RBM20: variants seen among roughly 807,000 people sequenced by gnomAD.
RBM20 encodes RNA binding motif protein 20.
Under a neutral mutation model 110.1 loss-of-function variants are expected in RBM20, and 51 were observed. The ratio of observed to expected loss-of-function variants is 0.46; its 90% CI spans 0.37 to 0.59. The LOEUF is 0.59. Ranked by LOEUF, RBM20 falls within the 20% of genes least tolerant of loss-of-function variation. RBM20 has a pLI of 0.00. For missense variants in RBM20, 1,512 were observed against 1,574.9 expected (o/e 0.96, Z 0.68); for synonymous variants, 589 against 618.2 (o/e 0.95, Z 0.70).
chr10:110,831,915 C>T (rs953765492), intron 13 of RBM20, among the ~76,000 whole-genome samples: 1 of 152,092 alleles, frequency 6.6e-6, no homozygotes, highest in Non-Finnish European at 1.5e-5. Flanking sequence ...ATACTCTATA[C>T]ACCGTATTTC....
At chr10:110,750,068 G>C (rs1223445318) in intron 1 of RBM20, among the ~76,000 whole-genome samples, 1 of 152,210 alleles carries the variant, frequency 6.6e-6, no homozygotes, top group Non-Finnish European at 1.5e-5. Context: ...CATAGGTGTT[G>C]CCTCTGGACA....
chr10:110,711,286 T>C (rs368786057), intron 1 of RBM20, among the ~76,000 whole-genome samples: 1 of 128,240 alleles, frequency 7.8e-6, no homozygotes, highest in South Asian at 2.7e-4. Flanking sequence ...GCTGAGACTG[T>C]GCCACTTCAC....
chr10:110,802,315 A>G (rs1844637940), intron 7 of RBM20, among the ~76,000 whole-genome samples: 1 of 151,202 alleles, frequency 6.6e-6, no homozygotes, highest in South Asian at 2.1e-4. Context: ...AGAGTCCTGA[A>G]TCTGCTTTGC....
At chr10:110,726,347 C>A (rs1843560265) in intron 1 of RBM20, among the ~76,000 whole-genome samples, 1 of 152,204 alleles carries the variant, frequency 6.6e-6, no homozygotes, top group Non-Finnish European at 1.5e-5. Context: ...TCTAAGGTCT[C>A]CCCTATCCTC....
In RBM20 at chr10:110,838,571, A is replaced by G. The variant is rs1845162865; in HGVS notation, c.*2593A>G. ...TCAGAGGTTAGAACTGTACATTATC[A>G]GAGAGACTGGACACTTTATCCCCTA... is the stretch of plus-strand genomic sequence containing the variant. On this transcript the variant is annotated 3_prime_UTR_variant, in exon 14 of 14. Transcript: ENST00000369519. 2 of 152,362 alleles carry G rather than the reference A, an allele frequency of 1.3e-5. No individual in the cohort carries two copies. Among genetic ancestry groups the G allele is most frequent in the South Asian group, 4.1e-4 (2 of 4,828 alleles). 9.4% of individuals were successfully genotyped at this position (152,362 alleles called of 1,614,324 possible).
chr10:110,730,970 T>C (rs1323933648), intron 1 of RBM20, among the ~76,000 whole-genome samples: 1 of 152,202 alleles, frequency 6.6e-6, no homozygotes, highest in Non-Finnish European at 1.5e-5. Flanking sequence ...ACTGGCCCCA[T>C]TAGAAACCAG....
chr10:110,769,724 A>T (rs1297695433), intron 1 of RBM20, among the ~76,000 whole-genome samples: 6 of 146,662 alleles, frequency 4.1e-5, no homozygotes, highest in Admixed American at 1.4e-4. Flanking sequence ...CTCACTATAG[A>T]TTTTTTTTTT....
chr10:110,826,717 G>T (rs1453289101), intron 12 of RBM20, among the ~76,000 whole-genome samples: 1 of 151,850 alleles, frequency 6.6e-6, no homozygotes, highest in African/African-American at 2.4e-5. Context: ...GGAGTAGCTG[G>T]GATTACAGGC....
intron 12 of RBM20, among the ~76,000 whole-genome samples, chr10:110,826,879 C>T (rs1447720698): frequency 6.6e-6 from 1 of 152,162 alleles, no homozygotes; most frequent in Admixed American, 6.5e-5. Context: ...AGGTGTGAGC[C>T]ACCGTGCCCG....
At chr10:110,802,874 G>A (rs1844647370) in intron 7 of RBM20, among the ~76,000 whole-genome samples, 1 of 152,148 alleles carries the variant, frequency 6.6e-6, no homozygotes, top group South Asian at 2.1e-4. Flanking sequence ...TGTCAGCCTG[G>A]GCTCTACCGC....
chr10:110,748,614 G>T (rs1843814128), intron 1 of RBM20, among the ~76,000 whole-genome samples: 2 of 151,954 alleles, frequency 1.3e-5, no homozygotes, highest in Non-Finnish European at 2.9e-5. Flanking sequence ...TGAAAAACTG[G>T]GTTCTCGTAA....
intron 1 of RBM20, among the ~76,000 whole-genome samples, chr10:110,767,030 G>A (rs1455938512): frequency 1.4e-5 from 2 of 140,150 alleles, no homozygotes; most frequent in African/African-American, 2.7e-5. Flanking sequence ...AGGGGCGGCC[G>A]GGCAGAGGCG....
rs1461555462 is a variant in RBM20, at chr10:110,812,711, C to T, written c.2314C>T (p.Leu772=). The change falls in exon 9 of 14, where the codon CTG becomes TTG. Residue 772 remains leucine, a synonymous_variant. Coordinates refer to ENST00000369519, the MANE Select transcript of RBM20 (RefSeq NM_001134363.3). The part of the protein sequence containing the change: ...KEPKAKSDKY[L]KQQQDAPGRS... ...GCCCAAAGCCAAGTCGGACAAGTAT[C>T]TGAAGCAGCAGCAGGATGCCCCCGG... is the stretch of plus-strand genomic sequence containing the variant. 2 of 1,551,746 alleles carry T rather than the reference C, an allele frequency of 1.3e-6. No homozygotes were observed. The highest frequency in any genetic ancestry group is 2.0e-5 in the Admixed American group (1 of 51,010).
intron 1 of RBM20, among the ~76,000 whole-genome samples, chr10:110,687,741 C>T (rs1288516372): frequency 1.3e-5 from 2 of 152,200 alleles, no homozygotes; most frequent in Non-Finnish European, 1.5e-5. Context: ...GATGTGACTA[C>T]ATATCTCGAA....
intron 7 of RBM20, among the ~76,000 whole-genome samples, chr10:110,801,506 C>T (rs927366162): frequency 2.0e-5 from 3 of 151,502 alleles, no homozygotes; most frequent in Non-Finnish European, 2.9e-5. Flanking sequence ...TTTTGCCTGT[C>T]GTGGGAGAGT....
intron 1 of RBM20, among the ~76,000 whole-genome samples, chr10:110,672,346 C>G (rs1304369724): frequency 2.0e-5 from 3 of 152,200 alleles, no homozygotes; most frequent in African/African-American, 7.2e-5. Context: ...CCGAATAATT[C>G]AACCCTCGTG....
chr10:110,698,626 C>T lies in RBM20; in HGVS notation c.191+53981C>T, dbSNP rs1862707299. Among the ~76,000 whole-genome samples, 3 of 152,178 alleles carry T rather than the reference C, an allele frequency of 2.0e-5. No individual in the cohort carries two copies. The South Asian group carries it at 6.2e-4, about 32-fold the overall frequency. ...GGGGTGGCAGGTTCATTGAAGACAGCGTGGAACTGGATACAGAAGGTGTCA... is the reference window on the plus strand; with the variant it reads ...GGGGTGGCAGGTTCATTGAAGACAGTGTGGAACTGGATACAGAAGGTGTCA... On this transcript the variant is annotated intron_variant, in intron 1 of 13. Transcript: ENST00000369519.
At chr10:110,741,877 C>T (rs1053620394) in intron 1 of RBM20, among the ~76,000 whole-genome samples, 5 of 152,128 alleles carry the variant, frequency 3.3e-5, no homozygotes, top group African/African-American at 1.2e-4. Flanking sequence ...TCTAGAATGC[C>T]CACTTCCCAC....
chr10:110,712,362 A>T (rs565176593), intron 1 of RBM20, among the ~76,000 whole-genome samples: 22 of 152,354 alleles, frequency 1.4e-4, no homozygotes, highest in Non-Finnish European at 2.6e-4. Flanking sequence ...AACAGAGATG[A>T]TTCTTTTAAA....
Sources: gnomAD v4.1 joint callset for allele counts (sites outside exome capture counted in the v4.1 genomes callset) on GRCh38, gnomAD v4.1.1 for gene constraint, MANE v1.5 for transcripts, NCBI Gene and HGNC (gene_info 2026-07-23, HGNC 2026-07-21) for gene names.